CRYBG1: variants seen among roughly 807,000 people sequenced by gnomAD.
The protein encoded by CRYBG1 is beta/gamma crystallin domain-containing protein 1.
In CRYBG1, 139 loss-of-function variants were observed where a neutral mutation model predicts 189.2. The observed-to-expected ratio is 0.73, with a 90% CI of 0.64 to 0.85. The LOEUF is 0.85. CRYBG1 is among the 40% of genes least tolerant of loss of function. The pLI, the probability that CRYBG1 is intolerant of heterozygous loss-of-function variation, is 0.00. For synonymous variants in CRYBG1, 1,023 were observed against 1,017.1 expected (o/e 1.01, Z -0.11); for missense variants, 2,611 against 2,675.8 (o/e 0.98, Z 0.53).
chr6:106,521,627 G>A (rs1582815817), intron 4 of CRYBG1, among the ~76,000 whole-genome samples, 174 bp downstream of exon 4: 1 of 146,770 alleles, frequency 6.8e-6, no homozygotes, highest in South Asian at 2.2e-4. Flanking sequence ...TAGAGTGCAA[G>A]AAAAAAATGT....
intron 1 of CRYBG1, among the ~76,000 whole-genome samples, chr6:106,386,449 A>T (rs997856894): frequency 1.3e-5 from 2 of 152,216 alleles, no homozygotes; most frequent in Admixed American, 1.3e-4. Context: ...AAAGCCTGCC[A>T]CCAGTTGCAG....
chr6:106,547,698 T>C (rs1307007577), intron 13 of CRYBG1, among the ~76,000 whole-genome samples: 1 of 152,236 alleles, frequency 6.6e-6, no homozygotes, highest in African/African-American at 2.4e-5. Context: ...GAAGTTCTTG[T>C]TCCATGAAAG....
rs180860745 is a variant in CRYBG1, at chr6:106,404,538, A to G, written c.173+43457A>G. On this transcript the variant is annotated intron_variant, in intron 1 of 21. Coordinates refer to ENST00000633556, the MANE Select transcript of CRYBG1 (RefSeq NM_001371242.2). The stretch of plus-strand genomic sequence containing the variant: ...TCTCAGTCACATAATATCTTCACTG[A>G]TATCTTGGCTGAAAGAGTGGGAGAG... 2.2e-4 allele frequency among the ~76,000 whole-genome samples: 34 copies of G among 152,342 alleles called. No homozygotes were observed. In the East Asian group the frequency reaches 5.0e-3, roughly 22 times the overall value.
intron 1 of CRYBG1, among the ~76,000 whole-genome samples, chr6:106,398,646 C>CT (rs1770661234): frequency 1.3e-5 from 2 of 152,088 alleles, no homozygotes; most frequent in South Asian, 2.1e-4. Flanking sequence ...GTCTTGAACT[C>CT]TTATTCATTC....
intron 1 of CRYBG1, 91 bp from the exon 2 acceptor site, chr6:106,451,603 A>G (rs944207596): frequency 8.1e-7 from 1 of 1,231,698 alleles, no homozygotes; most frequent in Non-Finnish European, 1.1e-6. Context: ...CTGGAAATAT[A>G]TTAATACATG....
At chr6:106,402,136 G>A (rs372664448) in intron 1 of CRYBG1, among the ~76,000 whole-genome samples, 2 of 115,368 alleles carry the variant, frequency 1.7e-5, no homozygotes, top group African/African-American at 3.5e-5. Context: ...CACTGCTCAA[G>A]GAAATAAAAG....
chr6:106,558,870 G>A (rs1185497461), intron 18 of CRYBG1, among the ~76,000 whole-genome samples: 4 of 152,124 alleles, frequency 2.6e-5, no homozygotes, highest in Non-Finnish European at 4.4e-5. Flanking sequence ...GGCTGAGGCC[G>A]AAGGATCACT....
intron 16 of CRYBG1, among the ~76,000 whole-genome samples, chr6:106,555,537 G>A (rs910032138): frequency 5.3e-5 from 8 of 152,166 alleles, no homozygotes; most frequent in Non-Finnish European, 7.4e-5. Context: ...CAGAAAGAAC[G>A]TGGAGAAAGA....
At chr6:106,560,647 CT>C (rs1774690474) in intron 18 of CRYBG1, among the ~76,000 whole-genome samples, 155 bp from the exon 19 acceptor site, 1 of 152,204 alleles carries the variant, frequency 6.6e-6, no homozygotes, top group African/African-American at 2.4e-5. Flanking sequence ...CAAGAAATTA[CT>C]TCTTTTAAGT....
intron 1 of CRYBG1, among the ~76,000 whole-genome samples, chr6:106,395,557 T>TA (rs1306224940): frequency 6.6e-6 from 1 of 152,044 alleles, no homozygotes; most frequent in East Asian, 1.9e-4. Flanking sequence ...AATTTTGTTA[T>TA]ATAGTATTAT....
At chr6:106,541,031 G>A (rs1774116979) in intron 9 of CRYBG1, 1 of 221,260 alleles carries the variant, frequency 4.5e-6, no homozygotes, top group Admixed American at 5.3e-5. Flanking sequence ...TATTCCATGA[G>A]TCCCCCAGAT....
At chr6:106,381,392 C>G (rs946426747) in intron 1 of CRYBG1, among the ~76,000 whole-genome samples, 1 of 151,974 alleles carries the variant, frequency 6.6e-6, no homozygotes, top group South Asian at 2.1e-4. Context: ...AGCATTTTAC[C>G]TCTTTGGAGC....
At chr6:106,385,593 C>CA (rs1402614493) in intron 1 of CRYBG1, among the ~76,000 whole-genome samples, 1 of 152,202 alleles carries the variant, frequency 6.6e-6, no homozygotes, top group Non-Finnish European at 1.5e-5. Flanking sequence ...ATAACATCTT[C>CA]ATGCACATCC....
intron 2 of CRYBG1, among the ~76,000 whole-genome samples, chr6:106,460,622 A>C (rs1327018850): frequency 6.6e-6 from 1 of 152,124 alleles, no homozygotes; most frequent in Non-Finnish European, 1.5e-5. Flanking sequence ...TCTAGAGAGG[A>C]TATCCAGAGA....
chr6:106,378,677 T>A (rs1004511147), intron 1 of CRYBG1, among the ~76,000 whole-genome samples: 2 of 152,230 alleles, frequency 1.3e-5, no homozygotes, highest in African/African-American at 2.4e-5. Flanking sequence ...GAGTTGTAAC[T>A]GTATCTTCAG....
Position 106,511,598 on chromosome 6 carries a change from C to T in CRYBG1, c.481C>T (p.Pro161Ser). Reference protein sequence around the residue: ...PKDVVASPKLPERESERSRSQ... With the variant: ...PKDVVASPKLSERESERSRSQ... ...AGATGTGGTAGCCTCTCCTAAGCTCCCAGAGAGAGAGAGTGAGAGGAGCAG... is the reference window on the plus strand; with the variant it reads ...AGATGTGGTAGCCTCTCCTAAGCTCTCAGAGAGAGAGAGTGAGAGGAGCAG... The change falls in exon 3 of 22, where the codon CCA becomes TCA. Residue 161 changes from proline to serine, a missense_variant. Pro to Ser is a moderately conservative substitution (Grantham distance 74). Coordinates refer to ENST00000633556, the MANE Select transcript of CRYBG1 (RefSeq NM_001371242.2). 1 of 1,535,794 alleles carries T rather than the reference C, an allele frequency of 6.5e-7. No individual in the cohort carries two copies.
At chr6:106,529,734 A>T (rs1773835018) in intron 7 of CRYBG1, among the ~76,000 whole-genome samples, 1 of 152,160 alleles carries the variant, frequency 6.6e-6, no homozygotes, top group Non-Finnish European at 1.5e-5. Flanking sequence ...AGTCAAGGAG[A>T]GTTACCACAA....
At chr6:106,561,284 G>C in intron 19 of CRYBG1, 58 bp from the exon 20 acceptor site, 1 of 1,556,838 alleles carries the variant, frequency 6.4e-7, no homozygotes. Flanking sequence ...ATTCATGCTT[G>C]TTCAGTGCTT....
rs113658662 is a variant in CRYBG1 at position 106,559,009 on chromosome 6, T to G, written c.5855+384T>G. On this transcript the variant is annotated intron_variant, in intron 18 of 21. Transcript: ENST00000633556. ...TCAGATTTCTCCCTCTCTTATATTA[T>G]CTTAAACTAATTGACATATACCCTC... Among the ~76,000 whole-genome samples the G allele has an allele frequency of 5.1e-3, 774 of 152,306 alleles. 9 individuals carry two copies. The highest frequency in any genetic ancestry group is 0.018 in the African/African-American group (731 of 41,576).
Sources: gnomAD v4.1 joint callset for allele counts (sites outside exome capture counted in the v4.1 genomes callset) on GRCh38, gnomAD v4.1.1 for gene constraint, MANE v1.5 for transcripts, NCBI Gene and HGNC (gene_info 2026-07-23, HGNC 2026-07-21) for gene names.